The following ST7 variants were observed in gnomAD, a reference collection of about 807,000 sequenced individuals.
ST7 encodes the protein suppression of tumorigenicity 7, also known as suppressor of tumorigenicity 7 protein.
In ST7, 28 loss-of-function variants were observed where a neutral mutation model predicts 78.7. The observed-to-expected ratio is 0.36, with a 90% CI of 0.26 to 0.49. ST7 has a LOEUF of 0.49. Among genes scored for constraint, ST7 ranks in the 20% least tolerant of loss-of-function variants. ST7 has a pLI of 0.99. For synonymous variants in ST7, 247 were observed against 249.6 expected (o/e 0.99, Z 0.10); for missense variants, 418 against 696.0 (o/e 0.60, Z 4.49).
intron 1 of ST7, among the ~76,000 whole-genome samples, chr7:117,060,200 G>T (rs1425828168): frequency 1.3e-5 from 2 of 152,122 alleles, no homozygotes; most frequent in Admixed American, 1.3e-4. Flanking sequence ...CACAGACCTT[G>T]GGTGGGGCTA....
At chr7:117,049,703 A>G (rs1192020820) in intron 1 of ST7, among the ~76,000 whole-genome samples, 3 of 152,194 alleles carry the variant, frequency 2.0e-5, no homozygotes, top group Admixed American at 6.5e-5. Context: ...TTGTTTTACA[A>G]TGATTCTTAC....
chr7:117,073,590 C>T (rs925536952), intron 1 of ST7, among the ~76,000 whole-genome samples: 16 of 152,310 alleles, frequency 1.1e-4, no homozygotes, highest in Admixed American at 2.6e-4. Context: ...ACTTTGGATC[C>T]CAACTACCCG....
At chr7:117,134,311 G>A in intron 7 of ST7, 119 bp downstream of exon 7, 1 of 1,445,750 alleles carries the variant, frequency 6.9e-7, no homozygotes, top group Non-Finnish European at 9.4e-7. Flanking sequence ...ATTGTGTTGT[G>A]ACAAGGATGC....
intron 13 of ST7, among the ~76,000 whole-genome samples, chr7:117,211,015 G>A (rs1369561714): frequency 2.0e-5 from 3 of 151,976 alleles, no homozygotes; most frequent in Non-Finnish European, 4.4e-5. Flanking sequence ...TTTTCATTTT[G>A]ATAATCTGCT....
intron 10 of ST7, among the ~76,000 whole-genome samples, chr7:117,184,609 G>C (rs539865956): frequency 1.7e-4 from 26 of 152,196 alleles, no homozygotes; most frequent in Non-Finnish European, 3.2e-4. Context: ...GATCACCAGG[G>C]GACATGTTTG....
At chr7:117,027,709 C>A (rs991339505) in intron 1 of ST7, among the ~76,000 whole-genome samples, 2 of 151,880 alleles carry the variant, frequency 1.3e-5, no homozygotes, top group African/African-American at 4.8e-5. Flanking sequence ...AAAGCAAGAC[C>A]CTGTCTCTAA....
At chr7:117,165,531 C>G (rs1313279976) in intron 9 of ST7, among the ~76,000 whole-genome samples, 2 of 152,066 alleles carry the variant, frequency 1.3e-5, no homozygotes, top group East Asian at 1.9e-4. Flanking sequence ...AATACGTACT[C>G]CAAAGCAATA....
intron 1 of ST7, among the ~76,000 whole-genome samples, chr7:117,044,553 A>G (rs1365978922): frequency 6.6e-6 from 1 of 151,968 alleles, no homozygotes; most frequent in Non-Finnish European, 1.5e-5. Flanking sequence ...GTTTCACCAT[A>G]TTGTCCAGGC....
At chr7:117,209,747 T>A in intron 12 of ST7, 40 bp from the exon 13 acceptor site, 4 of 1,593,440 alleles carry the variant, frequency 2.5e-6, no homozygotes, top group Non-Finnish European at 2.6e-6. Flanking sequence ...TCTAAATTAC[T>A]TAGGTATTAA....
chr7:117,146,510 AT>A (rs1349080287), intron 9 of ST7: 1 of 152,228 alleles, frequency 6.6e-6, no homozygotes, highest in Non-Finnish European at 1.5e-5. Context: ...ACCAGTCTTA[AT>A]TTTTACAGGC....
chr7:117,190,700 C>G lies in ST7; in HGVS notation c.1152-134C>G. On this transcript the variant is annotated intron_variant, in intron 11 of 15. Transcript: ENST00000323984. The surrounding 1 kb of genome is among the most constrained non-coding windows in gnomAD (Gnocchi z 5.2). ...CGGTCCGTGGGGTCACTCAGAGGTT[C>G]CATGCAGTAGAAGTTTGGAGAGCTC... 1 of 656,368 alleles carries G rather than the reference C, an allele frequency of 1.5e-6. No homozygotes were observed. The highest frequency in any genetic ancestry group is 2.6e-6 in the Non-Finnish European group (1 of 378,006). The allele number at this position is 656,368 out of a possible 1,614,324, so 40.7% of individuals were successfully genotyped here. A position where few individuals can be genotyped will look rare whatever the true frequency, so the allele number is the denominator to read the frequency against.
chr7:117,097,908 A>ATATATATTTTTTTTTT, intron 1 of ST7, among the ~76,000 whole-genome samples: 2 of 30,020 alleles, frequency 6.7e-5, no homozygotes, highest in Non-Finnish European at 1.1e-4. Flanking sequence ...ATATATATAT[A>ATATATATTTTTTTTTT]TTTTTTTTTT....
At chr7:116,987,734 C>T (rs1794248344) in intron 1 of ST7, among the ~76,000 whole-genome samples, 1 of 152,068 alleles carries the variant, frequency 6.6e-6, no homozygotes. Flanking sequence ...AACCTTTTTT[C>T]TTCTTTTGAC....
At chr7:117,196,462 C>T (rs1233081415) in intron 12 of ST7, among the ~76,000 whole-genome samples, 1 of 152,114 alleles carries the variant, frequency 6.6e-6, no homozygotes, top group East Asian at 1.9e-4. Flanking sequence ...GCCATCCTAA[C>T]ACGTCAGGTA....
intron 1 of ST7, among the ~76,000 whole-genome samples, chr7:117,015,191 A>G (rs1030052165): frequency 1.3e-5 from 2 of 152,214 alleles, no homozygotes; most frequent in African/African-American, 4.8e-5. Context: ...ATTTAGGATA[A>G]GTGCTTAAGG....
chr7:117,215,198 C>T (rs1404213345), intron 13 of ST7, among the ~76,000 whole-genome samples: 1 of 152,116 alleles, frequency 6.6e-6, no homozygotes, highest in Admixed American at 6.5e-5. Flanking sequence ...GCATGTGGAT[C>T]ACAACCCAGC....
At chr7:117,043,943 G>A (rs902819486) in intron 1 of ST7, among the ~76,000 whole-genome samples, 1 of 152,066 alleles carries the variant, frequency 6.6e-6, no homozygotes, top group African/African-American at 2.4e-5. Context: ...AATTACATTT[G>A]CATTTTTTAG....
At chr7:117,215,238 G>A (rs2116103232) in intron 13 of ST7, among the ~76,000 whole-genome samples, 1 of 152,148 alleles carries the variant, frequency 6.6e-6, no homozygotes, top group South Asian at 2.1e-4. Flanking sequence ...CTTTATTGCT[G>A]CACCCAAATG....
intron 1 of ST7, among the ~76,000 whole-genome samples, chr7:116,978,078 C>T (rs1479226394): frequency 6.6e-6 from 1 of 152,198 alleles, no homozygotes; most frequent in Non-Finnish European, 1.5e-5. Context: ...TTCTCATCTG[C>T]TCAGCTGAGC....
Sources: allele counts gnomAD v4.1 joint callset (sites outside exome capture counted in the v4.1 genomes callset), GRCh38; gene constraint gnomAD v4.1.1; non-coding constraint Gnocchi (gnomAD v3.1); transcripts MANE v1.5; gene names NCBI Gene and HGNC (gene_info 2026-07-23, HGNC 2026-07-21).